RXFP1: variants seen among roughly 807,000 people sequenced by gnomAD.
The protein encoded by RXFP1 is relaxin receptor 1.
A neutral mutation model predicts 89.8 loss-of-function variants in RXFP1; 73 were observed. The ratio of observed to expected loss-of-function variants is 0.81; its 90% CI spans 0.67 to 0.99. RXFP1 has a LOEUF of 0.99. Among genes scored for constraint, RXFP1 ranks in the 50% least tolerant of loss-of-function variants. The probability of loss-of-function intolerance (pLI) is 0.00; values close to 1 mark genes in which losing one functional copy is unlikely to be tolerated. For synonymous variants in RXFP1, 277 were observed against 305.5 expected (o/e 0.91, Z 0.97); for missense variants, 793 against 895.5 (o/e 0.89, Z 1.46).
Position 158,617,178 on chromosome 4 carries a change from G to T in RXFP1, c.728G>T (p.Cys243Phe). The T allele has an allele frequency of 6.2e-7, 1 of 1,610,800 alleles. No individual in the cohort carries two copies. The highest frequency in any genetic ancestry group is 1.7e-5 in the Admixed American group (1 of 59,684). Residue 243 changes from cysteine (C) to phenylalanine (F), a missense_variant, in exon 9 of 18, where the codon TGT becomes TTT. By Grantham distance (205) the Cys-to-Phe change is radical. Coordinates refer to ENST00000307765, the MANE Select transcript of RXFP1 (RefSeq NM_021634.4). Reference sequence around the variant, plus strand: ...ACCCGTTTACCTGATAAACCTCTCTGTCAACACATGCCAAGACTACATTGG... The same window carrying T: ...ACCCGTTTACCTGATAAACCTCTCTTTCAACACATGCCAAGACTACATTGG... Reference protein sequence around the residue: ...VLTRLPDKPLCQHMPRLHWLD... With the variant: ...VLTRLPDKPLFQHMPRLHWLD...
intron 4 of RXFP1, among the ~76,000 whole-genome samples, chr4:158,603,634 G>A (rs760066268): frequency 7.3e-5 from 11 of 151,620 alleles, no homozygotes; most frequent in Non-Finnish European, 1.3e-4. Context: ...GCTCACGCCT[G>A]TAATCCCAGC....
Position 158,646,963 on chromosome 4 carries a change from G to A in RXFP1, c.1518G>A (p.Leu506=). The change falls in exon 16 of 18, where the codon CTG becomes CTA. Residue 506 remains leucine (L), a synonymous_variant. Coordinates refer to ENST00000307765, the MANE Select transcript of RXFP1 (RefSeq NM_021634.4). ...TATCAGTTTTACTGTTAACATTTCT[G>A]ACATTGGAAAAATACATCTGCATTG... The part of the protein sequence containing the change: ...TEVSVLLLTF[L]TLEKYICIVY... 6.2e-7 allele frequency: 1 copy of A among 1,614,108 alleles called. No homozygotes were observed.
intron 2 of RXFP1, chr4:158,573,238 A>G (rs1755503475): frequency 6.1e-6 from 1 of 163,548 alleles, no homozygotes; most frequent in South Asian, 1.7e-4. Context: ...TCAATCTCCT[A>G]ACCTCGTGAT....
At chr4:158,632,998 C>T (rs1580228114) in intron 11 of RXFP1, among the ~76,000 whole-genome samples, 2 of 152,022 alleles carry the variant, frequency 1.3e-5, no homozygotes. Flanking sequence ...AGTGAAACCC[C>T]GTCTCTACTA....
chr4:158,644,885 T>C (rs1250408936), intron 14 of RXFP1, 24 bp from the exon 15 acceptor site: 3 of 1,507,292 alleles, frequency 2.0e-6, no homozygotes, highest in African/African-American at 2.8e-5. Flanking sequence ...GAAAATCTTA[T>C]TTTACTTTCT....
intron 4 of RXFP1, among the ~76,000 whole-genome samples, chr4:158,603,129 G>T (rs1046034290): frequency 6.6e-6 from 1 of 151,840 alleles, no homozygotes; most frequent in Non-Finnish European, 1.5e-5. Flanking sequence ...ATGGCGGTGG[G>T]GGGGCAGTCT....
At chr4:158,619,955 G>T (rs1357781540) in intron 9 of RXFP1, among the ~76,000 whole-genome samples, 1 of 152,180 alleles carries the variant, frequency 6.6e-6, no homozygotes, top group African/African-American at 2.4e-5. Context: ...AGCTGAGACA[G>T]CCCCATCCCC....
chr4:158,544,212 C>T (rs1747598971), intron 1 of RXFP1: 1 of 985,182 alleles, frequency 1.0e-6, no homozygotes, highest in Non-Finnish European at 1.2e-6. Flanking sequence ...TATAAAGCTG[C>T]CATCTCCAAT....
chr4:158,553,465 C>T (rs1750601977), intron 1 of RXFP1, among the ~76,000 whole-genome samples: 1 of 152,008 alleles, frequency 6.6e-6, no homozygotes, highest in African/African-American at 2.4e-5. Flanking sequence ...ACTGGAAGCT[C>T]AGGTGAAGGA....
At chr4:158,648,001 C>T (rs568538354) in intron 16 of RXFP1, among the ~76,000 whole-genome samples, 1 of 124,792 alleles carries the variant, frequency 8.0e-6, no homozygotes, top group African/African-American at 2.9e-5. Flanking sequence ...AGCAACACAG[C>T]GAGACTCCAT....
chr4:158,544,088 A>G (rs1747557843), intron 1 of RXFP1: 1 of 980,662 alleles, frequency 1.0e-6, no homozygotes, highest in Non-Finnish European at 1.2e-6. Flanking sequence ...AAGAACTAAC[A>G]AGAGAACCAT....
intron 1 of RXFP1, among the ~76,000 whole-genome samples, chr4:158,544,932 G>A (rs558222264): frequency 6.6e-6 from 1 of 152,210 alleles, no homozygotes; most frequent in African/African-American, 2.4e-5. Context: ...CTTCATAGCA[G>A]CATGATTTAT....
chr4:158,531,419 C>T (rs956401753), intron 1 of RXFP1, among the ~76,000 whole-genome samples: 1 of 152,236 alleles, frequency 6.6e-6, no homozygotes, highest in Non-Finnish European at 1.5e-5. Flanking sequence ...CTCAGCCCCT[C>T]ACTCCTGATC....
At chr4:158,638,258 T>A (rs1769612575) in intron 13 of RXFP1, among the ~76,000 whole-genome samples, 179 bp downstream of exon 13, 3 of 152,198 alleles carry the variant, frequency 2.0e-5, no homozygotes, top group Non-Finnish European at 4.4e-5. Context: ...TTTTATCTTA[T>A]ATACTTGTAA....
At chr4:158,611,006 T>C (rs1442316625) in intron 6 of RXFP1, among the ~76,000 whole-genome samples, 1 of 152,156 alleles carries the variant, frequency 6.6e-6, no homozygotes, top group Non-Finnish European at 1.5e-5. Flanking sequence ...GAACTCTTAC[T>C]TGCATATGAA....
chr4:158,588,681 G>A (rs1456134149), intron 2 of RXFP1, among the ~76,000 whole-genome samples: 4 of 152,212 alleles, frequency 2.6e-5, no homozygotes, highest in African/African-American at 9.7e-5. Flanking sequence ...GGTGTGAAAT[G>A]TTGTCTGAAG....
At position 158,599,439 on chromosome 4, in the gene RXFP1, G is replaced by C. The variant is rs764509200; in HGVS notation, c.392+8G>C. 1.2e-6 allele frequency: 2 copies of C among 1,610,040 alleles called. No individual in the cohort carries two copies. Among genetic ancestry groups the C allele is most frequent in the Middle Eastern group, 3.3e-4 (2 of 6,050 alleles). On this transcript the variant is annotated splice_region_variant and intron_variant, in intron 4 of 17. Coordinates refer to ENST00000307765, the MANE Select transcript of RXFP1 (RefSeq NM_021634.4). ...TTCAAATGTGACTGCAATGTAAGTA[G>C]AAAAGAATTACTTCATCCTGACAGC...
chr4:158,587,704 TAGTC>T lies in RXFP1; in HGVS notation c.188-5694_188-5691del, dbSNP rs72312225. On this transcript the variant is annotated intron_variant, in intron 2 of 17. Coordinates refer to ENST00000307765, the MANE Select transcript of RXFP1 (RefSeq NM_021634.4). ...AGTTATTTTTAATAAATCTGTTTCTTAGTCAGGTCACCTAACCTTCTTCAGTATC... is the reference window on the plus strand; with the variant it reads ...AGTTATTTTTAATAAATCTGTTTCTTAGGTCACCTAACCTTCTTCAGTATC... Among the ~76,000 whole-genome samples the T allele has an allele frequency of 9.1e-3, 1,384 of 152,322 alleles. 14 individuals are homozygous for T. Among genetic ancestry groups the T allele is most frequent in the African/African-American group, 0.028 (1,157 of 41,566 alleles).
chr4:158,568,259 A>C (rs1754176682), intron 1 of RXFP1, among the ~76,000 whole-genome samples: 1 of 152,258 alleles, frequency 6.6e-6, no homozygotes, highest in African/African-American at 2.4e-5. Context: ...GAAGTCAGTG[A>C]GACCAAGAAC....
Sources: gnomAD v4.1 joint callset for allele counts (sites outside exome capture counted in the v4.1 genomes callset) on GRCh38, gnomAD v4.1.1 for gene constraint, MANE v1.5 for transcripts, NCBI Gene and HGNC (gene_info 2026-07-23, HGNC 2026-07-21) for gene names.